Variants in HEATR4 observed in about 807,000 individuals in gnomAD.
HEATR4 encodes HEAT repeat containing 4.
HEATR4 carries 95 observed loss-of-function variants against 108.8 expected under a neutral mutation model. The observed-to-expected ratio is 0.87, with a 90% CI of 0.74 to 1.04. HEATR4 has a LOEUF of 1.04. Among genes scored for constraint, HEATR4 ranks in the 50% least tolerant of loss-of-function variants. The pLI, the probability that HEATR4 is intolerant of heterozygous loss-of-function variation, is 0.00. For synonymous variants in HEATR4, 443 were observed against 459.4 expected, an observed-to-expected ratio of 0.96 and a Z score of 0.46; for missense variants, 1,152 against 1,253.8, an observed-to-expected ratio of 0.92 and a Z score of 1.23.
At chr14:73,563,954 T>C in the HEATR4 span, among the ~76,000 whole-genome samples, 1 of 151,756 alleles carries the variant, frequency 6.6e-6, no homozygotes, top group Admixed American at 6.6e-5. Flanking sequence ...TGAACTATCA[T>C]GGTGCCATTG....
rs1234232029 is a variant in HEATR4 at position 73,532,023 on chromosome 14, G to A, written c.-151-1779C>T. On this transcript the variant is annotated intron_variant, in intron 1 of 17. Transcript: ENST00000553558. ...CTCCAGCCTGGGCAGCAAGAGTGAA[G>A]TGCAGTCTCAAAAAATAAAAATAAA... Among the ~76,000 whole-genome samples, 2 of 113,786 alleles carry A rather than the reference G, an allele frequency of 1.8e-5. 1 individual carries two copies. Among genetic ancestry groups the A allele is most frequent in the Non-Finnish European group, 3.8e-5 (2 of 52,318 alleles). 74.6% of individuals were successfully genotyped at this position (113,786 alleles called of 152,430 possible). A position where few individuals can be genotyped will look rare whatever the true frequency, so the allele number is the denominator to read the frequency against.
upstream of HEATR4, among the ~76,000 whole-genome samples, chr14:73,562,710 A>G (rs1270313760): frequency 6.6e-6 from 1 of 151,936 alleles, no homozygotes; most frequent in Non-Finnish European, 1.5e-5. Flanking sequence ...TGTGCCGTTG[A>G]GATAAGGACT....
At chr14:73,573,738 C>A in the HEATR4 span, 1 of 1,043,652 alleles carries the variant, frequency 9.6e-7, no homozygotes, top group East Asian at 2.6e-5. Flanking sequence ...TAGACAGTTT[C>A]TTTTTTTGAG....
intron 15 of HEATR4, 41 bp from the exon 16 acceptor site, chr14:73,495,428 A>G: frequency 2.6e-6 from 4 of 1,535,998 alleles, no homozygotes; most frequent in Non-Finnish European, 3.6e-6. Flanking sequence ...AAAACAAAAC[A>G]CCTGTACTAG....
the HEATR4 span, among the ~76,000 whole-genome samples, chr14:73,597,911 A>G: frequency 2.0e-5 from 3 of 151,214 alleles, no homozygotes; most frequent in Admixed American, 2.0e-4. Flanking sequence ...TTTTGTAGAG[A>G]TGGGGTTTCG....
the HEATR4 span, among the ~76,000 whole-genome samples, chr14:73,628,753 CAAA>C: frequency 7.9e-6 from 1 of 126,520 alleles, no homozygotes. Context: ...AACTCCATCT[CAAA>C]AAAAAAAAAA....
At chr14:73,563,507 C>G (rs1344277247), upstream of HEATR4, among the ~76,000 whole-genome samples, 1 of 151,864 alleles carries the variant, frequency 6.6e-6, no homozygotes, top group Non-Finnish European at 1.5e-5. Context: ...AGGTAGGAGA[C>G]TCACTTGAAC....
rs574859554 is a variant in HEATR4, at chr14:73,501,985, T to TCCACCCGCCTCGG, written c.2105+897_2105+909dup. 7.4e-3 allele frequency among the ~76,000 whole-genome samples: 1,124 copies of TCCACCCGCCTCGG among 151,748 alleles called. 16 individuals are homozygous for TCCACCCGCCTCGG. Among genetic ancestry groups the TCCACCCGCCTCGG allele is most frequent in the African/African-American group, 0.026 (1,072 of 41,360 alleles). On this transcript the variant is annotated intron_variant, in intron 11 of 17. Coordinates refer to ENST00000553558, the MANE Select transcript of HEATR4 (RefSeq NM_001220484.1). ...TGGTCTCGATCTCCTGACCTTGTGA[T>TCCACCCGCCTCGG]CCACCCGCCTCGGCCTCCCAAAGTG...
At chr14:73,591,532 ACT>A in the HEATR4 span, among the ~76,000 whole-genome samples, 10 of 149,212 alleles carry the variant, frequency 6.7e-5, no homozygotes, top group African/African-American at 2.2e-4. Context: ...GACAGAGGAG[ACT>A]CTGTTTCAAA....
the HEATR4 span, among the ~76,000 whole-genome samples, chr14:73,593,493 C>G: frequency 6.6e-6 from 1 of 150,696 alleles, no homozygotes. Context: ...CATACACCAC[C>G]ACACTGACTA....
chr14:73,603,417 C>T, the HEATR4 span, among the ~76,000 whole-genome samples: 2 of 152,006 alleles, frequency 1.3e-5, no homozygotes, highest in African/African-American at 2.4e-5. Flanking sequence ...TGCAGTGGCA[C>T]ATTCTCGGCT....
chr14:73,618,634 A>G, the HEATR4 span, among the ~76,000 whole-genome samples: 1 of 152,140 alleles, frequency 6.6e-6, no homozygotes, highest in Admixed American at 6.5e-5. Flanking sequence ...AAAATAATAT[A>G]CTGTATTTAA....
In HEATR4 at chr14:73,552,709, G is replaced by C. The variant is rs1311207420; in HGVS notation, c.-152+6042C>G. 5.5e-5 allele frequency among the ~76,000 whole-genome samples: 6 copies of C among 108,380 alleles called. 1 individual carries two copies. The highest frequency in any genetic ancestry group is 2.1e-4 in the Admixed American group (2 of 9,754). The allele number at this position is 108,380 out of a possible 152,430, so 71.1% of individuals were successfully genotyped here. ...ACCAGTGCATCCCACAGCTATTCTA[G>C]CACCCCATAAACACTCCAGTGTCCC... On this transcript the variant is annotated intron_variant, in intron 1 of 17. Transcript: ENST00000553558.
the HEATR4 span, among the ~76,000 whole-genome samples, chr14:73,590,376 C>T: frequency 6.6e-6 from 1 of 152,248 alleles, no homozygotes; most frequent in African/African-American, 2.4e-5. Flanking sequence ...CATAAAGATT[C>T]TCCAAGTCCC....
At chr14:73,570,891 G>A in the HEATR4 span, among the ~76,000 whole-genome samples, 1 of 129,794 alleles carries the variant, frequency 7.7e-6, no homozygotes. Flanking sequence ...GGGGACAAGA[G>A]TGACTCTATC....
At chr14:73,619,725 T>G in the HEATR4 span, 1 of 1,614,108 alleles carries the variant, frequency 6.2e-7, no homozygotes, top group Non-Finnish European at 8.5e-7. Context: ...CAATATTCTA[T>G]GGAGGTGAGC....
chr14:73,499,099 G>T lies in HEATR4; in HGVS notation c.2328C>A (p.Tyr776Ter), dbSNP rs1190983211. The change falls in exon 13 of 18, where the codon TAC becomes TAA. Residue 776 changes from tyrosine to a stop codon, truncating the protein, a stop_gained. Transcript: ENST00000553558. LOFTEE classifies it high-confidence loss of function. ...GAATGGCAAAGGCCTTGATTTTCCA[G>T]TAAGGATCTCTCTGCATCAGGTTCA... ...CLLNLMQRDP[Y>*]WKIKAFAIRA... 1 of 1,614,082 alleles carries T rather than the reference G, an allele frequency of 6.2e-7. No homozygotes were observed. The highest frequency in any genetic ancestry group is 2.2e-5 in the East Asian group (1 of 44,900).
the HEATR4 span, among the ~76,000 whole-genome samples, chr14:73,617,895 A>G: frequency 8.0e-6 from 1 of 124,998 alleles, no homozygotes; most frequent in Non-Finnish European, 1.7e-5. Context: ...CTGTAATCCC[A>G]GTACTTTGGG....
the HEATR4 span, among the ~76,000 whole-genome samples, chr14:73,584,865 A>G: frequency 7.3e-5 from 11 of 150,288 alleles, no homozygotes; most frequent in African/African-American, 1.7e-4. Context: ...GTCAACCCCA[A>G]TTTAGACCAG....
Sources: gnomAD v4.1 joint callset for allele counts (sites outside exome capture counted in the v4.1 genomes callset) on GRCh38, gnomAD v4.1.1 for gene constraint, MANE v1.5 for transcripts, NCBI Gene and HGNC (gene_info 2026-07-23, HGNC 2026-07-21) for gene names.